NELL1: variants seen among roughly 807,000 people sequenced by gnomAD.
NELL1 encodes the protein protein kinase C-binding protein NELL1.
A neutral mutation model predicts 107.4 loss-of-function variants in NELL1; 76 were observed. The ratio of observed to expected loss-of-function variants is 0.71; its 90% CI spans 0.59 to 0.86. NELL1 has a LOEUF of 0.86. NELL1 is among the 40% of genes least tolerant of loss of function. The pLI, the probability that NELL1 is intolerant of heterozygous loss-of-function variation, is 0.00. For synonymous variants in NELL1, 353 were observed against 341.2 expected (o/e 1.03, Z -0.38); for missense variants, 1,024 against 1,005.5 (o/e 1.02, Z -0.25).
chr11:21,094,537 C>G (rs531784186), intron 12 of NELL1, among the ~76,000 whole-genome samples: 1 of 152,350 alleles, frequency 6.6e-6, no homozygotes, highest in Non-Finnish European at 1.5e-5. Context: ...CAGAGGCTCT[C>G]CATGAGTGTC....
At chr11:21,485,678 G>T (rs1325613976) in intron 15 of NELL1, among the ~76,000 whole-genome samples, 3 of 151,588 alleles carry the variant, frequency 2.0e-5, no homozygotes, top group African/African-American at 7.3e-5. Flanking sequence ...AGGCCAGTCT[G>T]CAGCACAGTC....
chr11:21,406,921 T>C (rs1852250938), intron 15 of NELL1, among the ~76,000 whole-genome samples: 1 of 152,066 alleles, frequency 6.6e-6, no homozygotes, highest in Admixed American at 6.6e-5. Flanking sequence ...CCAGAACTTA[T>C]TCCTTCTACC....
chr11:21,414,479 C>CTT, intron 15 of NELL1, among the ~76,000 whole-genome samples: 1 of 152,086 alleles, frequency 6.6e-6, no homozygotes, highest in African/African-American at 2.4e-5. Flanking sequence ...TCTTCATTGA[C>CTT]TTGTGGGCAT....
intron 15 of NELL1, among the ~76,000 whole-genome samples, chr11:21,374,434 A>G (rs1464414662): frequency 1.3e-5 from 2 of 151,972 alleles, no homozygotes; most frequent in African/African-American, 2.4e-5. Flanking sequence ...GCCTTATAAC[A>G]TGGCCACTGG....
chr11:21,370,735 A>T (rs1265910873), intron 14 of NELL1, 118 bp from the exon 15 acceptor site: 3 of 687,824 alleles, frequency 4.4e-6, no homozygotes, highest in Non-Finnish European at 7.5e-6. Context: ...TAAATGTATC[A>T]ATACAGATGT....
Position 21,511,111 on chromosome 11 carries a change from A to G in NELL1, c.1646-23263A>G, listed in dbSNP as rs533068351. On this transcript the variant is annotated intron_variant, in intron 15 of 19. Coordinates refer to ENST00000357134, the MANE Select transcript of NELL1 (RefSeq NM_006157.5). ...GTAAGCTAATTCTTGTAAAGCACTT[A>G]GAAGAGTGCTTGGCAGAGTGTGTGC... Among the ~76,000 whole-genome samples, 431 of 152,304 alleles carry G rather than the reference A, an allele frequency of 2.8e-3. 5 individuals are homozygous for G. The highest frequency in any genetic ancestry group is 9.9e-3 in the African/African-American group (411 of 41,580).
chr11:20,791,404 A>AT (rs1481076577), intron 3 of NELL1, among the ~76,000 whole-genome samples: 4 of 152,148 alleles, frequency 2.6e-5, no homozygotes, highest in Non-Finnish European at 5.9e-5. Context: ...AAGGAAATTA[A>AT]TTTTTGCCTA....
chr11:21,493,018 C>G (rs1458559971), intron 15 of NELL1, among the ~76,000 whole-genome samples: 2 of 151,932 alleles, frequency 1.3e-5, no homozygotes, highest in East Asian at 3.9e-4. Flanking sequence ...AAATGAAAAT[C>G]AAAATCACAA....
At chr11:21,309,340 A>G (rs1025138904) in intron 14 of NELL1, among the ~76,000 whole-genome samples, 14 of 144,342 alleles carry the variant, frequency 9.7e-5, no homozygotes, top group Non-Finnish European at 2.0e-4. Context: ...CTGAATATGA[A>G]TAAACTTTCT....
intron 3 of NELL1, among the ~76,000 whole-genome samples, chr11:20,815,245 A>T (rs1388960206): frequency 1.3e-5 from 2 of 151,926 alleles, no homozygotes; most frequent in Non-Finnish European, 2.9e-5. Context: ...TTGTATTTTT[A>T]GTAGAGACAG....
At chr11:20,862,958 AT>A (rs1382271270) in intron 4 of NELL1, among the ~76,000 whole-genome samples, 1 of 152,082 alleles carries the variant, frequency 6.6e-6, no homozygotes, top group African/African-American at 2.4e-5. Context: ...AGGCAGAAGA[AT>A]TTTTCTTAGT....
intron 13 of NELL1, among the ~76,000 whole-genome samples, chr11:21,149,310 TA>T (rs1182338350): frequency 1.3e-5 from 2 of 152,346 alleles, no homozygotes; most frequent in Non-Finnish European, 2.9e-5. Flanking sequence ...CTCATGCTGC[TA>T]ATAAAGACAT....
At chr11:21,525,179 C>T (rs766593958) in intron 15 of NELL1, among the ~76,000 whole-genome samples, 5 of 152,022 alleles carry the variant, frequency 3.3e-5, no homozygotes, top group Non-Finnish European at 5.9e-5. Flanking sequence ...AATTAGAAGG[C>T]CATATCCAGG....
intron 2 of NELL1, among the ~76,000 whole-genome samples, chr11:20,688,581 T>C (rs974963531): frequency 6.6e-6 from 1 of 152,162 alleles, no homozygotes; most frequent in East Asian, 1.9e-4. Flanking sequence ...TTTATGGCTG[T>C]GTGATATTCC....
At chr11:21,439,975 C>T (rs1853236272) in intron 15 of NELL1, among the ~76,000 whole-genome samples, 1 of 152,118 alleles carries the variant, frequency 6.6e-6, no homozygotes, top group South Asian at 2.1e-4. Flanking sequence ...GAAATATTAC[C>T]TGCCTTTTGG....
At chr11:21,319,516 A>ATATATT in intron 14 of NELL1, among the ~76,000 whole-genome samples, 1 of 120,328 alleles carries the variant, frequency 8.3e-6, no homozygotes, top group African/African-American at 3.1e-5. Flanking sequence ...ATATATATAT[A>ATATATT]TTTTTAGTAG....
At chr11:21,362,100 T>C (rs998016597) in intron 14 of NELL1, among the ~76,000 whole-genome samples, 1 of 152,210 alleles carries the variant, frequency 6.6e-6, no homozygotes, top group Non-Finnish European at 1.5e-5. Context: ...TTTTCTTTTT[T>C]TGTTTTTTCA....
In NELL1 at chr11:21,416,295, C is replaced by T. The variant is rs971594324; in HGVS notation, c.1645+45347C>T. ...GGGTGATGTGCTAAATTAAATACTA[C>T]CTTGGATGGGATAATTTAATGCTGT... is the stretch of plus-strand genomic sequence containing the variant. On this transcript the variant is annotated intron_variant, in intron 15 of 19. Coordinates refer to ENST00000357134, the MANE Select transcript of NELL1 (RefSeq NM_006157.5). 2.6e-5 allele frequency among the ~76,000 whole-genome samples: 4 copies of T among 152,164 alleles called. No individual in the cohort carries two copies. The South Asian group carries it at 8.3e-4, about 32-fold the overall frequency.
chr11:21,462,508 A>G (rs947734987), intron 15 of NELL1, among the ~76,000 whole-genome samples: 3 of 152,024 alleles, frequency 2.0e-5, no homozygotes, highest in African/African-American at 7.2e-5. Flanking sequence ...GGGAGGTGGG[A>G]ACCATATGAT....
Sources: allele counts gnomAD v4.1 joint callset (sites outside exome capture counted in the v4.1 genomes callset), GRCh38; gene constraint gnomAD v4.1.1; transcripts MANE v1.5; gene names NCBI Gene and HGNC (gene_info 2026-07-23, HGNC 2026-07-21).